The following TPST1 variants were observed in gnomAD, a reference collection of about 807,000 sequenced individuals.
The protein encoded by TPST1 is tyrosylprotein sulfotransferase 1, also known as protein-tyrosine sulfotransferase 1.
A neutral mutation model predicts 34.8 loss-of-function variants in TPST1; 20 were observed. The ratio of observed to expected loss-of-function variants is 0.57; its 90% CI spans 0.40 to 0.84. TPST1 has a LOEUF of 0.84. Ranked by LOEUF, TPST1 falls within the 40% of genes least tolerant of loss-of-function variation. The pLI is 0.00. For missense variants in TPST1, 353 were observed against 455.5 expected (o/e 0.78, Z 2.05); for synonymous variants, 152 against 159.4 (o/e 0.95, Z 0.35).
chr7:66,331,323 C>T (rs1791991980), intron 3 of TPST1, among the ~76,000 whole-genome samples: 1 of 152,204 alleles, frequency 6.6e-6, no homozygotes. Flanking sequence ...CTAGATCTGT[C>T]CCACACTTGA....
At chr7:66,279,726 A>G (rs145488630) in intron 2 of TPST1, among the ~76,000 whole-genome samples, 232 of 152,352 alleles carry the variant, frequency 1.5e-3, no homozygotes, top group African/African-American at 5.4e-3. Context: ...CTAAATGAAA[A>G]TACAATACTT....
chr7:66,335,852 G>A (rs936937375), intron 3 of TPST1, among the ~76,000 whole-genome samples: 4 of 152,162 alleles, frequency 2.6e-5, no homozygotes, highest in Non-Finnish European at 5.9e-5. Context: ...AGAAATGGCT[G>A]TGTCCTCAAA....
In TPST1 at chr7:66,307,409, C is replaced by T. The variant is rs563177993; in HGVS notation, c.1044+20700C>T. Among the ~76,000 whole-genome samples, 22 of 152,266 alleles carry T rather than the reference C, an allele frequency of 1.4e-4. No homozygotes were observed. In the East Asian group the frequency reaches 1.7e-3, roughly 12 times the overall value. On this transcript the variant is annotated intron_variant, in intron 3 of 5. Transcript: ENST00000304842. ...CTGGGATTACAGGTGTGAGCCACTG[C>T]GCCCGGCCCACTTCATTCACTTTAA...
intron 2 of TPST1, among the ~76,000 whole-genome samples, chr7:66,267,780 A>G (rs1014998712): frequency 6.6e-6 from 1 of 152,226 alleles, no homozygotes. Flanking sequence ...TCCTGGGCGC[A>G]TAAGATGGAG....
At chr7:66,356,447 A>G (rs1029498734) in intron 4 of TPST1, among the ~76,000 whole-genome samples, 2 of 152,240 alleles carry the variant, frequency 1.3e-5, no homozygotes, top group Non-Finnish European at 2.9e-5. Flanking sequence ...GTCATGTGTT[A>G]GAACTCAATC....
intron 2 of TPST1, among the ~76,000 whole-genome samples, chr7:66,266,555 T>C (rs1483912299): frequency 6.6e-6 from 1 of 152,252 alleles, no homozygotes; most frequent in Non-Finnish European, 1.5e-5. Flanking sequence ...CTTTAAAAAT[T>C]ACACTAAAAG....
rs757695243 is a variant in TPST1 at position 66,241,092 on chromosome 7, T to G, written c.667T>G (p.Tyr223Asp). The G allele has an allele frequency of 6.2e-7, 1 of 1,614,220 alleles. No homozygotes were observed. Among genetic ancestry groups the G allele is most frequent in the East Asian group, 2.2e-5 (1 of 44,888 alleles). ...TKWNRAIETM[Y>D]NQCMEVGYKK... Reference sequence around the variant, plus strand: ...GTGGAATCGTGCTATAGAGACCATGTATAACCAGTGTATGGAGGTTGGTTA... The same window carrying G: ...GTGGAATCGTGCTATAGAGACCATGGATAACCAGTGTATGGAGGTTGGTTA... Residue 223 changes from tyrosine (Y) to aspartate (D), a missense_variant, in exon 2 of 6, where the codon TAT (tyrosine) becomes GAT (aspartate). Transcript: ENST00000304842.
At chr7:66,306,429 T>C (rs1442086949) in intron 3 of TPST1, among the ~76,000 whole-genome samples, 2 of 152,194 alleles carry the variant, frequency 1.3e-5, no homozygotes, top group African/African-American at 2.4e-5. Flanking sequence ...CTCCTTCACC[T>C]GCTGTTTCTG....
At chr7:66,211,220 C>T (rs571888305) in intron 1 of TPST1, among the ~76,000 whole-genome samples, 2 of 152,068 alleles carry the variant, frequency 1.3e-5, no homozygotes, top group African/African-American at 2.4e-5. Context: ...CCGCAACCTC[C>T]GCCTCCCAGG....
At chr7:66,224,997 A>C (rs1463151615) in intron 1 of TPST1, among the ~76,000 whole-genome samples, 1 of 141,808 alleles carries the variant, frequency 7.1e-6, no homozygotes, top group Non-Finnish European at 1.5e-5. Flanking sequence ...GGCTCACCAC[A>C]ACCTCCACCT....
Position 66,222,346 on chromosome 7 carries a change from A to G in TPST1, c.-102+16824A>G, listed in dbSNP as rs983203347. Among the ~76,000 whole-genome samples, 4 of 151,902 alleles carry G rather than the reference A, an allele frequency of 2.6e-5. No individual in the cohort carries two copies. The East Asian group carries it at 5.8e-4, about 22-fold the overall frequency. On this transcript the variant is annotated intron_variant, in intron 1 of 5. Transcript: ENST00000304842. ...GCTTGCAGTGAGCTGAGATCGTGCC[A>G]CTGCACTCCAGCCTGGGCCACAGAG...
intron 2 of TPST1, among the ~76,000 whole-genome samples, chr7:66,254,533 C>A (rs973259380): frequency 2.6e-5 from 4 of 151,884 alleles, no homozygotes; most frequent in South Asian, 2.1e-4. Flanking sequence ...CCTCCCGAGT[C>A]GCTGGGATTG....
Position 66,272,204 on chromosome 7 carries a change from A to G in TPST1, c.846-14307A>G, listed in dbSNP as rs559422962. On this transcript the variant is annotated intron_variant, in intron 2 of 5. Coordinates refer to ENST00000304842, the MANE Select transcript of TPST1 (RefSeq NM_003596.4). ...AAGCCAGTATTTCTGGTGAATATAG[A>G]TGCAAAAATCCTCAACAAAATATTA... is the stretch of plus-strand genomic sequence containing the variant. Among the ~76,000 whole-genome samples the G allele has an allele frequency of 2.0e-5, 3 of 152,372 alleles. No homozygotes were observed. In the East Asian group the frequency reaches 5.8e-4, roughly 29 times the overall value.
At position 66,316,141 on chromosome 7, in the gene TPST1, C is replaced by T. The variant is rs146683432; in HGVS notation, c.1044+29432C>T. On this transcript the variant is annotated intron_variant, in intron 3 of 5. Transcript: ENST00000304842. ...AAAAAAAAAAATTCTGATTTCACTGCGTAATTTTAAAAATAATATTTTAAT... is the reference window on the plus strand; with the variant it reads ...AAAAAAAAAAATTCTGATTTCACTGTGTAATTTTAAAAATAATATTTTAAT... Among the ~76,000 whole-genome samples the T allele has an allele frequency of 1.1e-3, 167 of 151,216 alleles. 4 individuals carry two copies. In the East Asian group the frequency reaches 0.03, roughly 28 times the overall value.
intron 2 of TPST1, among the ~76,000 whole-genome samples, chr7:66,259,751 T>C (rs1217442425): frequency 6.6e-6 from 1 of 152,200 alleles, no homozygotes; most frequent in Admixed American, 6.5e-5. Flanking sequence ...TGAATTTATA[T>C]TGACACATTA....
chr7:66,326,048 G>A (rs1367663419), intron 3 of TPST1, among the ~76,000 whole-genome samples: 2 of 152,200 alleles, frequency 1.3e-5, no homozygotes, highest in Non-Finnish European at 2.9e-5. Context: ...TGCAATCAGG[G>A]AGGCTCCAAC....
At chr7:66,313,798 C>G (rs1341935254) in intron 3 of TPST1, among the ~76,000 whole-genome samples, 1 of 152,116 alleles carries the variant, frequency 6.6e-6, no homozygotes, top group African/African-American at 2.4e-5. Context: ...CTCTCTTTCT[C>G]TCTCCTTATA....
chr7:66,285,809 T>G (rs889286247), intron 2 of TPST1, among the ~76,000 whole-genome samples: 6 of 152,190 alleles, frequency 3.9e-5, no homozygotes, highest in Non-Finnish European at 8.8e-5. Context: ...ACTACAGGCT[T>G]AGAGTAAATT....
chr7:66,301,882 G>GGAGT (rs1271428428), intron 3 of TPST1, among the ~76,000 whole-genome samples: 3 of 152,234 alleles, frequency 2.0e-5, no homozygotes, highest in African/African-American at 7.2e-5. Context: ...AGACATGAAG[G>GGAGT]GAGTGCATGT....
Sources: gnomAD v4.1 joint callset for allele counts (sites outside exome capture counted in the v4.1 genomes callset) on GRCh38, gnomAD v4.1.1 for gene constraint, MANE v1.5 for transcripts, NCBI Gene and HGNC (gene_info 2026-07-23, HGNC 2026-07-21) for gene names.